ANXA10: variants seen among roughly 807,000 people sequenced by gnomAD.
ANXA10 encodes the protein annexin 14.
ANXA10 carries 49 observed loss-of-function variants against 53.5 expected under a neutral mutation model. That is an observed-to-expected ratio of 0.92 (90% CI 0.73 to 1.16). The LOEUF (loss-of-function observed/expected upper bound fraction) is 1.16, where lower values mean the gene tolerates loss of function less well. Ranked by LOEUF, ANXA10 falls within the 50% of genes most tolerant of loss-of-function variation. ANXA10 has a pLI of 0.00. For missense variants in ANXA10, 393 were observed against 394.4 expected (o/e 1.00, Z 0.03); for synonymous variants, 131 against 128.9 (o/e 1.02, Z -0.11).
chr4:168,136,300 C>T (rs1731236413), intron 2 of ANXA10, among the ~76,000 whole-genome samples: 1 of 152,216 alleles, frequency 6.6e-6, no homozygotes, highest in Admixed American at 6.5e-5. Context: ...TCTCAACAGT[C>T]TCCTAAGCCT....
chr4:168,180,153 T>C lies in ANXA10; in HGVS notation c.724+841T>C, dbSNP rs532829894. Among the ~76,000 whole-genome samples, 39 of 152,230 alleles carry C rather than the reference T, an allele frequency of 2.6e-4. No homozygotes were observed. The East Asian group carries it at 6.0e-3, about 23-fold the overall frequency. The stretch of plus-strand genomic sequence containing the variant: ...TAGTAAAGAAGTCTCAAGCTAGGCT[T>C]CCATGAAAACAGTTTGATGAAACCC... On this transcript the variant is annotated intron_variant, in intron 9 of 11. Coordinates refer to ENST00000359299, the MANE Select transcript of ANXA10 (RefSeq NM_007193.5).
chr4:168,112,927 G>A (rs1730834333), intron 1 of ANXA10, among the ~76,000 whole-genome samples: 1 of 152,056 alleles, frequency 6.6e-6, no homozygotes, highest in African/African-American at 2.4e-5. Context: ...GGAGTCTGAA[G>A]CAGGAGAATC....
intron 3 of ANXA10, among the ~76,000 whole-genome samples, chr4:168,144,097 G>C (rs1271119798): frequency 6.6e-6 from 1 of 152,198 alleles, no homozygotes; most frequent in Admixed American, 6.5e-5. Flanking sequence ...GTCTTGGCCA[G>C]TGAGTTAAGG....
chr4:168,120,015 A>G (rs975543451), intron 1 of ANXA10, among the ~76,000 whole-genome samples: 1 of 152,100 alleles, frequency 6.6e-6, no homozygotes, highest in African/African-American at 2.4e-5. Flanking sequence ...TAATATAGCT[A>G]TAATAGCATA....
At chr4:168,104,307 T>C (rs1352759954) in intron 1 of ANXA10, among the ~76,000 whole-genome samples, 1 of 151,940 alleles carries the variant, frequency 6.6e-6, no homozygotes, top group Non-Finnish European at 1.5e-5. Flanking sequence ...TCTTGTATTA[T>C]GTTGGGCATA....
At chr4:168,158,921 T>G (rs577625994) in intron 3 of ANXA10, among the ~76,000 whole-genome samples, 1 of 152,264 alleles carries the variant, frequency 6.6e-6, no homozygotes, top group East Asian at 1.9e-4. Flanking sequence ...CCATGAGTAA[T>G]ATGTTCCCCT....
At chr4:168,119,284 G>A (rs935378477) in intron 1 of ANXA10, among the ~76,000 whole-genome samples, 2 of 152,114 alleles carry the variant, frequency 1.3e-5, no homozygotes, top group African/African-American at 4.8e-5. Flanking sequence ...CTCGTTAAGA[G>A]GAGTCAGAAA....
At chr4:168,133,704 C>T (rs1044306438) in intron 2 of ANXA10, among the ~76,000 whole-genome samples, 3 of 152,110 alleles carry the variant, frequency 2.0e-5, no homozygotes, top group South Asian at 2.1e-4. Flanking sequence ...AATATTGTAA[C>T]CACAGGGTTA....
rs1446838459 is a variant in ANXA10 at position 168,128,131 on chromosome 4, T to C, written c.66T>C (p.Asp22=). 1 of 1,613,694 alleles carries C rather than the reference T, an allele frequency of 6.2e-7. No individual in the cohort carries two copies. Residue 22 remains aspartate (D), a synonymous_variant, in exon 2 of 12, where the codon GAT becomes GAC. Transcript: ENST00000359299. ...FPAPNFNPIM[D]AQMLGGALQG... Reference sequence around the variant, plus strand: ...CTCCCAATTTCAATCCCATAATGGATGCCCAAATGCTAGGAGGAGCACTCC... The same window carrying C: ...CTCCCAATTTCAATCCCATAATGGACGCCCAAATGCTAGGAGGAGCACTCC...
intron 1 of ANXA10, among the ~76,000 whole-genome samples, chr4:168,108,294 T>C (rs547441252): frequency 1.3e-5 from 2 of 152,252 alleles, no homozygotes; most frequent in African/African-American, 4.8e-5. Context: ...TGACTTAGAA[T>C]GCCTAACTGT....
intron 6 of ANXA10, among the ~76,000 whole-genome samples, chr4:168,166,664 G>C (rs1731886603): frequency 6.9e-6 from 1 of 144,778 alleles, no homozygotes; most frequent in Non-Finnish European, 1.5e-5. Flanking sequence ...GTGTGTGTGT[G>C]TGTGTGTGTG....
At chr4:168,114,890 T>G (rs896448557) in intron 1 of ANXA10, among the ~76,000 whole-genome samples, 3 of 151,718 alleles carry the variant, frequency 2.0e-5, no homozygotes, top group Non-Finnish European at 2.9e-5. Context: ...TTTTGTTATT[T>G]TCTTTTATTT....
At chr4:168,125,046 G>C (rs1731046549) in intron 1 of ANXA10, among the ~76,000 whole-genome samples, 1 of 152,176 alleles carries the variant, frequency 6.6e-6, no homozygotes, top group Non-Finnish European at 1.5e-5. Context: ...GGAAGACAAT[G>C]TGCTCAGTAA....
At chr4:168,179,848 C>T (rs1170143723) in intron 9 of ANXA10, among the ~76,000 whole-genome samples, 1 of 152,088 alleles carries the variant, frequency 6.6e-6, no homozygotes, top group East Asian at 1.9e-4. Context: ...AAATGATATC[C>T]CTCCATAGAG....
intron 3 of ANXA10, among the ~76,000 whole-genome samples, chr4:168,156,163 T>A (rs28835312): frequency 5.2e-3 from 39 of 7,530 alleles, no homozygotes; most frequent in South Asian, 6.3e-3. Flanking sequence ...TATTATATAT[T>A]ATATATATTA....
chr4:168,129,024 T>C (rs1731117591), intron 2 of ANXA10, among the ~76,000 whole-genome samples: 1 of 152,024 alleles, frequency 6.6e-6, no homozygotes, highest in African/African-American at 2.4e-5. Flanking sequence ...ATAAAACCTG[T>C]TTTAAGAAGA....
rs1731959971 is a variant in ANXA10, at chr4:168,170,321, A to G, written c.480+4995A>G. On this transcript the variant is annotated intron_variant, in intron 6 of 11. Transcript: ENST00000359299. ...AAAATTTTCAAAAAATGTAGCACCT[A>G]TAAATTTCTAGAATTACATGTAGGA... Among the ~76,000 whole-genome samples the G allele has an allele frequency of 2.0e-5, 3 of 152,108 alleles. No individual in the cohort carries two copies. The South Asian group carries it at 6.2e-4, about 32-fold the overall frequency.
At chr4:168,125,163 A>T (rs113148622) in intron 1 of ANXA10, among the ~76,000 whole-genome samples, 1,751 of 152,288 alleles carry the variant, frequency 0.011, 13 homozygotes, top group South Asian at 0.018. Context: ...CTTTAGGAGA[A>T]TTTAGAGCAT....
At chr4:168,137,490 A>G (rs1731256126) in intron 2 of ANXA10, among the ~76,000 whole-genome samples, 1 of 152,048 alleles carries the variant, frequency 6.6e-6, no homozygotes, top group Admixed American at 6.5e-5. Context: ...GTCCATGTGT[A>G]CCCTTCGTTT....
Sources: allele counts gnomAD v4.1 joint callset (sites outside exome capture counted in the v4.1 genomes callset), GRCh38; gene constraint gnomAD v4.1.1; transcripts MANE v1.5; gene names NCBI Gene and HGNC (gene_info 2026-07-23, HGNC 2026-07-21).